Variants in LRRC28 observed in about 807,000 individuals in gnomAD.
LRRC28 encodes leucine rich repeat containing 28.
A neutral mutation model predicts 45.7 loss-of-function variants in LRRC28; 39 were observed. The ratio of observed to expected loss-of-function variants is 0.85; its 90% confidence interval spans 0.66 to 1.12. The LOEUF (loss-of-function observed/expected upper bound fraction) is 1.12. Ranked by LOEUF, LRRC28 falls within the 50% of genes most tolerant of loss-of-function variation. The pLI is 0.00. For missense variants in LRRC28, 435 were observed against 438.5 expected (o/e 0.99, Z 0.07); for synonymous variants, 206 against 178.8 (o/e 1.15, Z -1.22).
intron 2 of LRRC28, chr15:99,258,835 T>C: frequency 1.4e-6 from 1 of 701,384 alleles, no homozygotes; most frequent in Admixed American, 1.8e-5. Flanking sequence ...AAAAGAGCGA[T>C]TACATTAAGC....
In LRRC28 at chr15:99,307,595, A is replaced by G. The variant is rs190509129; in HGVS notation, c.385+19644A>G. On this transcript the variant is annotated intron_variant, in intron 5 of 9. Transcript: ENST00000301981. ...TTACATATAGAAAAGTTCTCAGACC[A>G]AAAGTATGTACTCAATAAATTTACC... Among the ~76,000 whole-genome samples the G allele has an allele frequency of 7.9e-5, 12 of 152,330 alleles. No individual in the cohort carries two copies. The East Asian group carries it at 2.1e-3, about 27-fold the overall frequency.
intron 5 of LRRC28, among the ~76,000 whole-genome samples, chr15:99,300,244 AT>A (rs2082362139): frequency 1.3e-5 from 2 of 152,030 alleles, no homozygotes; most frequent in Admixed American, 1.3e-4. Flanking sequence ...TCATTATAAG[AT>A]GTTGAAATAA....
chr15:99,387,333 T>A lies in LRRC28; in HGVS notation c.*1231T>A, dbSNP rs28594859. On this transcript the variant is annotated 3_prime_UTR_variant, in exon 10 of 10. Coordinates refer to ENST00000301981, the MANE Select transcript of LRRC28 (RefSeq NM_144598.5). ...CCTCGGCCTCCCAAAGTGCTGGGAT[T>A]ACAGGCGTGAGCCACCGCGCCCGGC... The A allele has an allele frequency of 6.6e-6, 1 of 152,106 alleles. No individual in the cohort carries two copies. The highest frequency in any genetic ancestry group is 1.5e-5 in the Non-Finnish European group (1 of 68,040). The allele number at this position is 152,106 out of a possible 1,614,324, so 9.4% of individuals were successfully genotyped here. A position where few individuals can be genotyped will look rare whatever the true frequency, so the allele number is the denominator to read the frequency against.
At chr15:99,277,817 A>G (rs1358148310) in intron 3 of LRRC28, among the ~76,000 whole-genome samples, 2 of 152,166 alleles carry the variant, frequency 1.3e-5, no homozygotes, top group Admixed American at 6.5e-5. Flanking sequence ...AGGAACAAAG[A>G]TGTCTTTCCA....
chr15:99,258,014 C>G (rs1422576063), intron 2 of LRRC28: 1 of 1,015,584 alleles, frequency 9.8e-7, no homozygotes, highest in Non-Finnish European at 1.6e-6. Context: ...AAATGAGGAA[C>G]TAACAGTCAA....
At chr15:99,273,845 G>T (rs551748886) in intron 2 of LRRC28, among the ~76,000 whole-genome samples, 1 of 152,324 alleles carries the variant, frequency 6.6e-6, no homozygotes, top group African/African-American at 2.4e-5. Context: ...CTAGGTGAAG[G>T]TCTAACAGTC....
chr15:99,320,264 G>T (rs188543744), intron 5 of LRRC28, among the ~76,000 whole-genome samples: 10 of 151,678 alleles, frequency 6.6e-5, no homozygotes, highest in African/African-American at 2.4e-4. Flanking sequence ...GATTTTCTCC[G>T]TGTGCTTCCT....
rs1225866355 is a variant in LRRC28 at position 99,327,253 on chromosome 15, T to C, written c.386-6670T>C. 2.0e-5 allele frequency among the ~76,000 whole-genome samples: 3 copies of C among 152,090 alleles called. 1 individual carries two copies. The highest frequency in any genetic ancestry group is 7.2e-5 in the African/African-American group (3 of 41,414). On this transcript the variant is annotated intron_variant, in intron 5 of 9. Transcript: ENST00000301981. ...CCACACCCAGCTAGTTTTTGTATTT[T>C]TAGTAGAGATGAGATTTCACCATGT...
At chr15:99,270,034 T>C (rs1273587270) in intron 2 of LRRC28, among the ~76,000 whole-genome samples, 1 of 152,132 alleles carries the variant, frequency 6.6e-6, no homozygotes, top group East Asian at 1.9e-4. Context: ...TATATAAAAA[T>C]GGAGGGAAAT....
intron 6 of LRRC28, among the ~76,000 whole-genome samples, chr15:99,337,619 G>A (rs1203828559): frequency 1.3e-5 from 2 of 152,322 alleles, no homozygotes; most frequent in South Asian, 2.1e-4. Flanking sequence ...TGTGTCAGGA[G>A]CAACTTTCCT....
rs186350364 is a variant in LRRC28, at chr15:99,364,855, A to G, written c.1031+1590A>G. ...TATTATCTATTTTTGTAGTTTAGAG[A>G]TTTTTTATTTCTTATTTTTGCTGTG... On this transcript the variant is annotated intron_variant, in intron 9 of 9. Transcript: ENST00000301981. 7.9e-5 allele frequency among the ~76,000 whole-genome samples: 12 copies of G among 152,270 alleles called. No individual in the cohort carries two copies. The East Asian group carries it at 2.3e-3, about 29-fold the overall frequency.
chr15:99,376,120 T>A (rs1205697510), intron 9 of LRRC28, among the ~76,000 whole-genome samples: 2 of 152,132 alleles, frequency 1.3e-5, no homozygotes, highest in Non-Finnish European at 2.9e-5. Context: ...CACTACTGTC[T>A]CTAGCTATGT....
intron 9 of LRRC28, among the ~76,000 whole-genome samples, chr15:99,369,876 G>T (rs1050817759): frequency 6.6e-6 from 1 of 152,164 alleles, no homozygotes; most frequent in Admixed American, 6.5e-5. Flanking sequence ...TAGCCATAAC[G>T]GGTAGTACAG....
chr15:99,295,816 T>C (rs1373131944), intron 5 of LRRC28, among the ~76,000 whole-genome samples: 2 of 152,252 alleles, frequency 1.3e-5, no homozygotes, highest in African/African-American at 4.8e-5. Flanking sequence ...GTACCACATA[T>C]AACCAGCATG....
chr15:99,347,462 C>T (rs750970326), intron 6 of LRRC28, among the ~76,000 whole-genome samples: 11 of 152,324 alleles, frequency 7.2e-5, no homozygotes, highest in Non-Finnish European at 1.2e-4. Context: ...CCGCCTTGGC[C>T]TCCCAAAGTG....
intron 2 of LRRC28, among the ~76,000 whole-genome samples, chr15:99,270,246 T>C (rs2081439257): frequency 6.6e-6 from 1 of 152,234 alleles, no homozygotes; most frequent in African/African-American, 2.4e-5. Flanking sequence ...CTTCATTAGC[T>C]TTTTAAAAAC....
At chr15:99,270,685 G>A (rs1478759303) in intron 2 of LRRC28, among the ~76,000 whole-genome samples, 4 of 152,108 alleles carry the variant, frequency 2.6e-5, no homozygotes, top group African/African-American at 9.7e-5. Context: ...TCTACTGATG[G>A]ACATTTGGGC....
At chr15:99,360,373 C>G (rs1957168001) in intron 7 of LRRC28, among the ~76,000 whole-genome samples, 1 of 152,064 alleles carries the variant, frequency 6.6e-6, no homozygotes, top group South Asian at 2.1e-4. Flanking sequence ...TTCTTTGCCC[C>G]CACATTAGAA....
chr15:99,373,026 C>CG (rs969501113), intron 9 of LRRC28, among the ~76,000 whole-genome samples: 16 of 151,900 alleles, frequency 1.1e-4, no homozygotes, highest in Non-Finnish European at 2.1e-4. Context: ...TAACCACCCC[C>CG]CCATGATTTA....
Sources: allele counts gnomAD v4.1 joint callset (sites outside exome capture counted in the v4.1 genomes callset), GRCh38; gene constraint gnomAD v4.1.1; transcripts MANE v1.5; gene names NCBI Gene and HGNC (gene_info 2026-07-23, HGNC 2026-07-21).